The following SIN3A variants were observed in gnomAD, a reference collection of about 807,000 sequenced individuals.
SIN3A encodes the protein SIN3 transcription regulator family member A.
Under a neutral mutation model 146.1 loss-of-function variants are expected in SIN3A, and 14 were observed. The observed-to-expected ratio is 0.10, with a 90% CI of 0.06 to 0.15. The LOEUF is 0.15. SIN3A is among the 10% of genes least tolerant of loss of function. The pLI is 1.00. For synonymous variants in SIN3A, 572 were observed against 572.0 expected (o/e 1.00, Z 0.00); for missense variants, 1,028 against 1,576.0 (o/e 0.65, Z 5.89).
At chr15:75,390,723 T>TA (rs1435268983) in intron 15 of SIN3A, among the ~76,000 whole-genome samples, 2 of 152,212 alleles carry the variant, frequency 1.3e-5, no homozygotes, top group Non-Finnish European at 2.9e-5. Context: ...TATACTTTTC[T>TA]ATATATACAT....
intron 15 of SIN3A, among the ~76,000 whole-genome samples, 155 bp downstream of exon 15, chr15:75,392,087 G>C (rs533229963): frequency 6.6e-6 from 1 of 152,294 alleles, no homozygotes; most frequent in East Asian, 1.9e-4. Context: ...CAAGCAACTA[G>C]AGCCTCCATT....
At chr15:75,438,361 C>T (rs377182287) in intron 1 of SIN3A, among the ~76,000 whole-genome samples, 9 of 141,028 alleles carry the variant, frequency 6.4e-5, no homozygotes, top group African/African-American at 1.1e-4. Flanking sequence ...CAAGGCTCTC[C>T]GTCTCAAAAA....
chr15:75,415,900 G>A (rs1163601968), intron 3 of SIN3A: 10 of 260,334 alleles, frequency 3.8e-5, no homozygotes, highest in African/African-American at 2.1e-4. Context: ...AGAGAGAGGA[G>A]GTACCCAAAG....
At chr15:75,452,809 G>T (rs2074431168), upstream of SIN3A, among the ~76,000 whole-genome samples, 1 of 152,192 alleles carries the variant, frequency 6.6e-6, no homozygotes, top group African/African-American at 2.4e-5. Context: ...TTAACATTGG[G>T]GACATGCCAC....
chr15:75,430,978 G>C (rs1176412958), intron 1 of SIN3A, among the ~76,000 whole-genome samples: 1 of 151,980 alleles, frequency 6.6e-6, no homozygotes, highest in Non-Finnish European at 1.5e-5. Flanking sequence ...GGGTTTCACC[G>C]AGTTACCCAG....
Position 75,372,106 on chromosome 15 carries a change from T to G in SIN3A, c.3695A>C (p.Lys1232Thr). ...CTCCAGCCCCTCACCCATGAGCCAC[T>G]TGCTGGTCTCTGCTGCCATTTCACG... ...VPREMAAETS[K>T]WLMGEGLEGL... is the part of the protein sequence containing the mutation. The change falls in exon 21 of 21, where the codon AAG becomes ACG. Residue 1232 changes from lysine to threonine, a missense_variant. Lys to Thr is a moderately conservative substitution (Grantham distance 78, BLOSUM62 -1). Around this residue, in one of 9 missense-constraint regions of SIN3A, gnomAD observed 488 missense variants for 690.2 expected, o/e 0.71. Coordinates refer to ENST00000394947, the MANE Select transcript of SIN3A (RefSeq NM_001145358.2). 2 of 1,614,190 alleles carry G rather than the reference T, an allele frequency of 1.2e-6. No individual in the cohort carries two copies. The highest frequency in any genetic ancestry group is 1.7e-6 in the Non-Finnish European group (2 of 1,180,032).
chr15:75,412,695 G>A, intron 5 of SIN3A, 68 bp downstream of exon 5: 12 of 1,400,290 alleles, frequency 8.6e-6, no homozygotes, highest in South Asian at 1.5e-5. Flanking sequence ...TATATAAAGG[G>A]GAAACATCAA....
Position 75,389,687 on chromosome 15 carries a change from T to A in SIN3A, c.2986A>T (p.Thr996Ser), listed in dbSNP as rs759666845. The part of the protein sequence containing the change: ...MFTIHAYIAF[T>S]MDKLIQSIVR... ...ATGCTCTGGATCAGTTTGTCCATGG[T>A]AAAGGCAATGTAGGCATGAATGGTG... The change falls in exon 16 of 21, where the codon ACC (threonine) becomes TCC (serine). Residue 996 changes from threonine to serine, a missense_variant. Thr to Ser is a moderately conservative substitution (Grantham distance 58). Around this residue, in one of 9 missense-constraint regions of SIN3A, gnomAD observed 488 missense variants for 690.2 expected, o/e 0.71. Coordinates refer to ENST00000394947, the MANE Select transcript of SIN3A (RefSeq NM_001145358.2). The A allele has an allele frequency of 6.2e-7, 1 of 1,614,130 alleles. No individual in the cohort carries two copies. The highest frequency in any genetic ancestry group is 1.7e-5 in the Admixed American group (1 of 60,010).
At chr15:75,439,988 T>C (rs1275298306) in intron 1 of SIN3A, among the ~76,000 whole-genome samples, 4 of 151,204 alleles carry the variant, frequency 2.6e-5, no homozygotes, top group African/African-American at 2.4e-5. Flanking sequence ...CCGTCTCTAC[T>C]AAAAACACAA....
intron 2 of SIN3A, among the ~76,000 whole-genome samples, chr15:75,429,905 A>G (rs2073986581): frequency 6.6e-6 from 1 of 152,218 alleles, no homozygotes; most frequent in African/African-American, 2.4e-5. Context: ...TTTTTTAAGT[A>G]AATAAAGTCA....
chr15:75,405,281 G>A (rs1471733166), intron 9 of SIN3A, among the ~76,000 whole-genome samples: 2 of 150,916 alleles, frequency 1.3e-5, no homozygotes, highest in Non-Finnish European at 1.5e-5. Flanking sequence ...CAGGAGAATC[G>A]CTTGAACCCA....
At chr15:75,387,503 A>G (rs1448375529) in intron 16 of SIN3A, among the ~76,000 whole-genome samples, 5 of 26,704 alleles carry the variant, frequency 1.9e-4, no homozygotes, top group African/African-American at 1.1e-3. Context: ...CTGGGTTGGA[A>G]AAAAAAAAAA....
At chr15:75,382,612 TA>T (rs1173762627) in intron 17 of SIN3A, among the ~76,000 whole-genome samples, 45 of 151,858 alleles carry the variant, frequency 3.0e-4, no homozygotes, top group African/African-American at 1.0e-3. Flanking sequence ...AAAAAGACAA[TA>T]AAGACCCAGA....
At chr15:75,380,898 A>G (rs2072952060) in intron 18 of SIN3A, 175 bp from the exon 19 acceptor site, 1 of 554,262 alleles carries the variant, frequency 1.8e-6, no homozygotes, top group Non-Finnish European at 3.3e-6. Context: ...CACGGATTAA[A>G]AATTCTGTTA....
At chr15:75,432,235 G>C (rs1231891015) in intron 1 of SIN3A, among the ~76,000 whole-genome samples, 5 of 152,136 alleles carry the variant, frequency 3.3e-5, no homozygotes, top group Non-Finnish European at 5.9e-5. Flanking sequence ...AGCGTGTTTT[G>C]GGATGAGGAA....
At position 75,380,625 on chromosome 15, in the gene SIN3A, T is replaced by C; in HGVS notation, c.3383+4A>G. On this transcript the variant is annotated splice_donor_region_variant and intron_variant, in intron 19 of 20. Coordinates refer to ENST00000394947, the MANE Select transcript of SIN3A (RefSeq NM_001145358.2). ...ACTGCTGACAGATGACATGGCTCAC[T>C]CACCTGGGGAGAAATACTGGTTTCT... is the stretch of plus-strand genomic sequence containing the variant. 1.2e-6 allele frequency: 2 copies of C among 1,607,684 alleles called. No homozygotes were observed. The highest frequency in any genetic ancestry group is 1.1e-5 in the South Asian group (1 of 90,914).
At chr15:75,406,937 T>TA (rs930096172) in intron 9 of SIN3A, 118 bp downstream of exon 9, 13 of 615,768 alleles carry the variant, frequency 2.1e-5, no homozygotes, top group Non-Finnish European at 3.3e-5. Context: ...GAAACTATGT[T>TA]AAAAAACAGA....
intron 16 of SIN3A, chr15:75,388,683 A>T (rs374832134): frequency 1.6e-4 from 25 of 152,438 alleles, no homozygotes; most frequent in African/African-American, 6.0e-4. Context: ...TAGTACGTCT[A>T]TAAGAAGGAG....
chr15:75,399,219 C>CA (rs1002224547), intron 12 of SIN3A, among the ~76,000 whole-genome samples: 4 of 151,276 alleles, frequency 2.6e-5, no homozygotes, highest in African/African-American at 4.9e-5. Flanking sequence ...GACCCTGTCT[C>CA]AAAAAAACAA....
Sources: gnomAD v4.1 joint callset for allele counts (sites outside exome capture counted in the v4.1 genomes callset) on GRCh38, gnomAD v4.1.1 for gene constraint, gnomAD v4.1.1 regional missense constraint, MANE v1.5 for transcripts, NCBI Gene and HGNC (gene_info 2026-07-23, HGNC 2026-07-21) for gene names.